The following GNA14 variants were observed in gnomAD, a reference collection of about 807,000 sequenced individuals.
GNA14 encodes guanine nucleotide-binding protein subunit alpha-14.
GNA14 carries 50 observed loss-of-function variants against 42.0 expected under a neutral mutation model. The observed-to-expected ratio is 1.19, with a 90% CI of 0.95 to 1.51. The LOEUF (loss-of-function observed/expected upper bound fraction) is 1.51, where lower values mean the gene tolerates loss of function less well. Ranked by LOEUF, GNA14 falls within the 40% of genes most tolerant of loss-of-function variation. The probability of loss-of-function intolerance (pLI) is 0.00; values close to 1 mark genes in which losing one functional copy is unlikely to be tolerated. For synonymous variants in GNA14, 173 were observed against 163.1 expected, an observed-to-expected ratio of 1.06 and a Z score of -0.46; for missense variants, 473 against 446.2, an observed-to-expected ratio of 1.06 and a Z score of -0.54.
At chr9:77,513,018 C>T (rs1237367279) in intron 2 of GNA14, among the ~76,000 whole-genome samples, 1 of 152,220 alleles carries the variant, frequency 6.6e-6, no homozygotes, top group African/African-American at 2.4e-5. Context: ...AGTGAAAGCA[C>T]TAATCCTGAT....
At chr9:77,481,449 G>A (rs1260569673) in intron 2 of GNA14, among the ~76,000 whole-genome samples, 1 of 152,172 alleles carries the variant, frequency 6.6e-6, no homozygotes, top group Non-Finnish European at 1.5e-5. Context: ...TACATTTGCT[G>A]AGGAGTGCTT....
At chr9:77,431,964 A>G (rs1053669701) in intron 3 of GNA14, among the ~76,000 whole-genome samples, 5 of 152,246 alleles carry the variant, frequency 3.3e-5, no homozygotes, top group Admixed American at 2.6e-4. Flanking sequence ...AACAGCAACA[A>G]GAACAAGTTT....
At position 77,525,911 on chromosome 9, in the gene GNA14, A is replaced by T. The variant is rs201109756; in HGVS notation, c.309+3158T>A. On this transcript the variant is annotated intron_variant, in intron 2 of 6. Transcript: ENST00000341700. ...ACAATGAGATTTGGGACTTTTTTTAAAAAAAAAAAAAAACGGAGTTTCACT... is the reference window on the plus strand; with the variant it reads ...ACAATGAGATTTGGGACTTTTTTTATAAAAAAAAAAAAACGGAGTTTCACT... Among the ~76,000 whole-genome samples, 195 of 20,810 alleles carry T rather than the reference A, an allele frequency of 9.4e-3. 2 individuals carry two copies. Among genetic ancestry groups the T allele is most frequent in the Middle Eastern group, 0.029 (1 of 34 alleles). 13.7% of individuals were successfully genotyped at this position (20,810 alleles called of 152,430 possible).
chr9:77,432,363 C>T (rs1379372300), intron 3 of GNA14, among the ~76,000 whole-genome samples: 1 of 152,194 alleles, frequency 6.6e-6, no homozygotes, highest in African/African-American at 2.4e-5. Flanking sequence ...CCACAACCCA[C>T]CTCTCTGCCC....
chr9:77,536,341 T>C (rs1050208202), intron 1 of GNA14, among the ~76,000 whole-genome samples: 2 of 151,636 alleles, frequency 1.3e-5, no homozygotes, highest in African/African-American at 4.9e-5. Context: ...ATTATTTTTG[T>C]TAGGTTTTTT....
intron 1 of GNA14, among the ~76,000 whole-genome samples, chr9:77,632,019 C>T (rs1246413208): frequency 6.6e-6 from 1 of 151,940 alleles, no homozygotes; most frequent in African/African-American, 2.4e-5. Context: ...CAGGCAGGAG[C>T]CCTACCCTGC....
chr9:77,597,555 A>C (rs545927414), intron 1 of GNA14, among the ~76,000 whole-genome samples: 1 of 151,950 alleles, frequency 6.6e-6, no homozygotes. Context: ...TAAGCTTTTA[A>C]AATATCGGTC....
chr9:77,582,380 C>A (rs1040004096), intron 1 of GNA14, among the ~76,000 whole-genome samples: 1 of 152,202 alleles, frequency 6.6e-6, no homozygotes, highest in Non-Finnish European at 1.5e-5. Context: ...ACCTCTCCCC[C>A]TCCCCTACTG....
intron 1 of GNA14, among the ~76,000 whole-genome samples, chr9:77,587,190 T>C (rs1823319897): frequency 6.6e-6 from 1 of 152,130 alleles, no homozygotes; most frequent in Non-Finnish European, 1.5e-5. Flanking sequence ...TGCATTCCAG[T>C]TATTTGGTGG....
chr9:77,539,480 T>C (rs1375797857), intron 1 of GNA14, among the ~76,000 whole-genome samples: 1 of 152,242 alleles, frequency 6.6e-6, no homozygotes, highest in African/African-American at 2.4e-5. Context: ...TTTTCTGTTG[T>C]GTCCTTGCCT....
chr9:77,637,182 G>A (rs1052489508), intron 1 of GNA14, among the ~76,000 whole-genome samples: 1 of 152,140 alleles, frequency 6.6e-6, no homozygotes, highest in African/African-American at 2.4e-5. Context: ...AGAGGTACTG[G>A]GTCATGAACT....
rs140935280 is a variant in GNA14, at chr9:77,529,064, G to A, written c.309+5C>T. 4.5e-5 allele frequency: 72 copies of A among 1,613,238 alleles called. No individual in the cohort carries two copies. The highest frequency in any genetic ancestry group is 1.7e-4 in the Middle Eastern group (1 of 6,058). ...AATAGGGCAAGCACTCCCTAAGCAC[G>A]TTACCTTATTCTGTTCACACACATA... On this transcript the variant is annotated splice_donor_5th_base_variant and intron_variant, in intron 2 of 6. Transcript: ENST00000341700.
rs188903804 is a variant in GNA14 at position 77,553,658 on chromosome 9, T to C, written c.125-24405A>G. 2.6e-5 allele frequency among the ~76,000 whole-genome samples: 4 copies of C among 152,156 alleles called. No individual in the cohort carries two copies. The East Asian group carries it at 5.9e-4, about 23-fold the overall frequency. On this transcript the variant is annotated intron_variant, in intron 1 of 6. Transcript: ENST00000341700. ...AAAAAAAATCCAGTGTTAATGGGCA[T>C]ATGAGAAAACAGACACCCATTCCCA... is the stretch of plus-strand genomic sequence containing the variant.
At chr9:77,619,922 T>C (rs1823894481) in intron 1 of GNA14, among the ~76,000 whole-genome samples, 1 of 152,190 alleles carries the variant, frequency 6.6e-6, no homozygotes, top group Admixed American at 6.5e-5. Context: ...AAACCTGTTT[T>C]GATACACTGG....
At chr9:77,596,472 C>T (rs1028931978) in intron 1 of GNA14, among the ~76,000 whole-genome samples, 5 of 151,982 alleles carry the variant, frequency 3.3e-5, no homozygotes, top group African/African-American at 9.7e-5. Context: ...TCTTGCTGTA[C>T]CCTACGCCTC....
rs748873215 is a variant in GNA14, at chr9:77,434,435, G to A, written c.397C>T (p.Gln133Ter). The A allele has an allele frequency of 1.2e-6, 2 of 1,613,786 alleles. No homozygotes were observed. Among genetic ancestry groups the A allele is most frequent in the African/African-American group, 2.7e-5 (2 of 74,930 alleles). The change falls in exon 3 of 7, where the codon CAA becomes TAA. Residue 133 changes from glutamine to a stop codon, truncating the protein, a stop_gained. Coordinates refer to ENST00000341700, the MANE Select transcript of GNA14 (RefSeq NM_004297.4). LOFTEE classifies it high-confidence loss of function. ...EQVEAIKQLW[Q>*]DPGIQECYDR... is the part of the protein sequence containing the mutation. ...TAACACTCCTGGATGCCTGGATCTT[G>A]CCAGAGCTGCTTGATGGCCTCCACC...
chr9:77,623,297 TA>T (rs1320650657), intron 1 of GNA14, among the ~76,000 whole-genome samples: 6 of 57,748 alleles, frequency 1.0e-4, no homozygotes, highest in South Asian at 6.8e-4. Flanking sequence ...AAAACTGGAA[TA>T]AAAAAAATAA....
intron 2 of GNA14, among the ~76,000 whole-genome samples, chr9:77,499,504 A>G (rs1050239094): frequency 1.3e-5 from 2 of 152,128 alleles, no homozygotes; most frequent in Non-Finnish European, 2.9e-5. Flanking sequence ...TGGCTTCTTT[A>G]TCTACTGTAA....
intron 1 of GNA14, among the ~76,000 whole-genome samples, chr9:77,613,468 G>A (rs112825895): frequency 0.018 from 2,714 of 152,242 alleles, 71 homozygotes; most frequent in African/African-American, 0.061. Flanking sequence ...GAGACTATAC[G>A]GCATGGTGCC....
Sources: allele counts gnomAD v4.1 joint callset (sites outside exome capture counted in the v4.1 genomes callset), GRCh38; gene constraint gnomAD v4.1.1; transcripts MANE v1.5; gene names NCBI Gene and HGNC (gene_info 2026-07-23, HGNC 2026-07-21).